MED14: variants seen among roughly 807,000 people sequenced by gnomAD.
MED14 encodes mediator complex subunit 14.
Under a neutral mutation model 109.0 loss-of-function variants are expected in MED14, and 8 were observed. That is an observed-to-expected ratio of 0.07 (90% CI 0.04 to 0.13). The LOEUF is 0.13. Among genes scored for constraint, MED14 ranks in the 10% least tolerant of loss-of-function variants. The pLI, the probability that MED14 is intolerant of heterozygous loss-of-function variation, is 1.00. For missense variants in MED14, 711 were observed against 1,142.4 expected, an observed-to-expected ratio of 0.62 and a Z score of 5.44; for synonymous variants, 399 against 408.7, an observed-to-expected ratio of 0.98 and a Z score of 0.29.
intron 1 of MED14, among the ~76,000 whole-genome samples, chrX:40,730,688 C>A (rs746322258): frequency 2.7e-5 from 3 of 111,276 alleles, no homozygotes; most frequent in East Asian, 2.8e-4. Context: ...ATTTGAAATT[C>A]TTTTATGGAT....
At chrX:40,702,719 C>T (rs775659832) in intron 11 of MED14, among the ~76,000 whole-genome samples, 2 of 111,265 alleles carry the variant, frequency 1.8e-5, no homozygotes, top group East Asian at 2.8e-4. Context: ...TTCATAAATG[C>T]GTCATTTAGC....
At position 40,719,764 on chromosome X, in the gene MED14, G is replaced by A. The variant is rs185771556; in HGVS notation, c.349-5054C>T. Among the ~76,000 whole-genome samples the A allele has an allele frequency of 4.8e-3, 537 of 111,864 alleles. 4 individuals carry two copies. The highest frequency in any genetic ancestry group is 0.017 in the African/African-American group (509 of 30,803). ...TGAATATAACAAAAACCACTGAATT[G>A]TATACTTTAAGTGGGTGAATAGTAT... is the stretch of plus-strand genomic sequence containing the variant. On this transcript the variant is annotated intron_variant, in intron 3 of 30. Coordinates refer to ENST00000324817, the MANE Select transcript of MED14 (RefSeq NM_004229.4).
intron 1 of MED14, among the ~76,000 whole-genome samples, chrX:40,733,107 ATT>A (rs753217918): frequency 2.3e-4 from 23 of 98,585 alleles, no homozygotes; most frequent in Admixed American, 2.2e-4. Context: ...GATTATCAAT[ATT>A]TTTTTTTTTT....
intron 23 of MED14, among the ~76,000 whole-genome samples, chrX:40,671,629 G>T (rs950639851): frequency 3.6e-5 from 4 of 112,041 alleles, no homozygotes; most frequent in African/African-American, 1.3e-4. Context: ...GAGTTGTGCT[G>T]TGAGTCTGGC....
At chrX:40,674,564 C>A (rs1602455347) in intron 22 of MED14, among the ~76,000 whole-genome samples, 1 of 111,965 alleles carries the variant, frequency 8.9e-6, no homozygotes, top group African/African-American at 3.2e-5. Context: ...TGCTCATATA[C>A]AACTAAAAAT....
intron 15 of MED14, among the ~76,000 whole-genome samples, chrX:40,690,232 T>A (rs1485390954): frequency 8.9e-6 from 1 of 112,051 alleles, no homozygotes; most frequent in African/African-American, 3.2e-5. Flanking sequence ...TTCATCAGGC[T>A]CACAGTTCTA....
Position 40,650,944 on chromosome X carries a change from A to AC in MED14, c.*861dup, listed in dbSNP as rs1928845338. On this transcript the variant is annotated 3_prime_UTR_variant, in exon 31 of 31. Coordinates refer to ENST00000324817, the MANE Select transcript of MED14 (RefSeq NM_004229.4). ...AAATTTTCCTGACAGAAAAGTTCCC[A>AC]CATCCTCAACAGATGAGAATGATTG... The AC allele has an allele frequency of 1.3e-6, 1 of 751,340 alleles. No individual in the cohort carries two copies. Among genetic ancestry groups the AC allele is most frequent in the African/African-American group, 2.3e-5 (1 of 43,140 alleles). The allele number at this position is 751,340 out of a possible 1,213,427, so 61.9% of individuals were successfully genotyped here.
chrX:40,706,960 T>C (rs1220737605), intron 10 of MED14, among the ~76,000 whole-genome samples: 1 of 112,037 alleles, frequency 8.9e-6, no homozygotes, highest in Non-Finnish European at 1.9e-5. Context: ...ATACTTAAAG[T>C]CTTCTTTAAG....
rs760375626 is a variant in MED14 at position 40,713,879 on chromosome X, G to C, written c.551C>G (p.Thr184Ser). The change falls in exon 5 of 31, where the codon ACC becomes AGC. Residue 184 changes from threonine (T) to serine (S), a missense_variant. Physicochemically the swap from Thr to Ser is moderately conservative, Grantham distance 58. Coordinates refer to ENST00000324817, the MANE Select transcript of MED14 (RefSeq NM_004229.4). ...GAGTGTGGCTTGTTTTTCAATTTTGGTAATTGGGTCTGGAGGAATAATTTT... is the reference window on the plus strand; with the variant it reads ...GAGTGTGGCTTGTTTTTCAATTTTGCTAATTGGGTCTGGAGGAATAATTTT... ...RDKIIPPDPITKIEKQATLHQ... is the reference protein window; with the variant it reads ...RDKIIPPDPISKIEKQATLHQ... The C allele has an allele frequency of 8.3e-7, 1 of 1,208,204 alleles. No individual in the cohort carries two copies. Among genetic ancestry groups the C allele is most frequent in the African/African-American group, 1.7e-5 (1 of 57,187 alleles).
rs779557912 is a variant in MED14 at position 40,700,390 on chromosome X, AAAT to A, written c.1490+772_1490+774del. Among the ~76,000 whole-genome samples, 893 of 97,948 alleles carry A rather than the reference AAAT, an allele frequency of 9.1e-3. 131 individuals carry two copies. The highest frequency in any genetic ancestry group is 0.035 in the African/African-American group (851 of 24,352). 85.1% of individuals were successfully genotyped at this position (97,948 alleles called of 115,157 possible). The stretch of plus-strand genomic sequence containing the variant: ...AAAAAAAAAAAAAAAAAAAAAAAAA[AAAT>A]TCATGCCCTGCTAATGAAAACATTA... On this transcript the variant is annotated intron_variant, in intron 12 of 30. Coordinates refer to ENST00000324817, the MANE Select transcript of MED14 (RefSeq NM_004229.4).
At position 40,735,453 on chromosome X, in the gene MED14, G is replaced by C; in HGVS notation, c.-41C>G. ...GGCTTGGCGCAACGGCACACGATGCGGTCCTCGAGCCTCCCGGGCGCTCGG... is the reference window on the plus strand; with the variant it reads ...GGCTTGGCGCAACGGCACACGATGCCGTCCTCGAGCCTCCCGGGCGCTCGG... On this transcript the variant is annotated 5_prime_UTR_variant, in exon 1 of 31. Coordinates refer to ENST00000324817, the MANE Select transcript of MED14 (RefSeq NM_004229.4). 9.1e-7 allele frequency: 1 copy of C among 1,099,443 alleles called. No homozygotes were observed. The highest frequency in any genetic ancestry group is 1.2e-6 in the Non-Finnish European group (1 of 822,258). 90.6% of individuals were successfully genotyped at this position (1,099,443 alleles called of 1,213,427 possible).
At chrX:40,669,470 A>G (rs1025001840) in intron 23 of MED14, among the ~76,000 whole-genome samples, 8 of 111,378 alleles carry the variant, frequency 7.2e-5, no homozygotes, top group African/African-American at 2.3e-4. Flanking sequence ...TGGTCCAACC[A>G]TCTCTGATGA....
chrX:40,726,700 T>C (rs1334212197), intron 3 of MED14, 46 bp downstream of exon 3: 15 of 1,041,776 alleles, frequency 1.4e-5, no homozygotes, highest in Non-Finnish European at 1.8e-5. Flanking sequence ...TATCATAACA[T>C]TCGAAAAGTT....
Position 40,735,255 on chromosome X carries a change from G to T in MED14, c.158C>A (p.Thr53Asn), listed in dbSNP as rs930072366. 4 of 1,144,912 alleles carry T rather than the reference G, an allele frequency of 3.5e-6. No homozygotes were observed. In the African/African-American group the frequency reaches 5.6e-5, roughly 16 times the overall value. 94.4% of individuals were successfully genotyped at this position (1,144,912 alleles called of 1,213,427 possible). The change falls in exon 1 of 31, where the codon ACC becomes AAC. Residue 53 changes from threonine (T) to asparagine (N), a missense_variant. Thr to Asn is a moderately conservative substitution (Grantham distance 65, BLOSUM62 0). This residue lies in a region of MED14 where 62 missense variants were observed against 55.2 expected (regional missense o/e 1.12). Transcript: ENST00000324817. ...AAASPGYRLS[T>N]LIEFLLHRAY... ...CCGGTGCAGCAGAAATTCAATGAGGGTGCTCAGCCGGTAGCCCGGGCTAGC... is the reference window on the plus strand; with the variant it reads ...CCGGTGCAGCAGAAATTCAATGAGGTTGCTCAGCCGGTAGCCCGGGCTAGC...
chrX:40,720,969 C>T (rs1237709587), intron 3 of MED14, among the ~76,000 whole-genome samples: 2 of 110,393 alleles, frequency 1.8e-5, no homozygotes, highest in Non-Finnish European at 3.8e-5. Context: ...TAAAAGAGCC[C>T]TTGGGCCCTG....
At chrX:40,683,170 C>T (rs1414074604) in intron 16 of MED14, among the ~76,000 whole-genome samples, 174 bp from the exon 17 acceptor site, 1 of 112,679 alleles carries the variant, frequency 8.9e-6, no homozygotes, top group South Asian at 3.6e-4. Context: ...TTTCCATTCA[C>T]ATCAATATGG....
intron 13 of MED14, among the ~76,000 whole-genome samples, chrX:40,696,348 G>A (rs988460990): frequency 1.8e-5 from 2 of 108,858 alleles, no homozygotes; most frequent in African/African-American, 6.7e-5. Flanking sequence ...CACTGTGTTA[G>A]CCAGGATGGT....
intron 2 of MED14, among the ~76,000 whole-genome samples, chrX:40,728,580 C>T (rs746313602): frequency 9.1e-6 from 1 of 110,441 alleles, no homozygotes; most frequent in East Asian, 2.8e-4. Flanking sequence ...GCCAAAGATA[C>T]GGTCAAGTAC....
intron 1 of MED14, among the ~76,000 whole-genome samples, chrX:40,732,546 A>C (rs1293632699): frequency 1.9e-5 from 2 of 102,752 alleles, no homozygotes; most frequent in Non-Finnish European, 3.9e-5. Context: ...TGGGAGGCAG[A>C]GGTGGGAGGA....
Sources: allele counts gnomAD v4.1 joint callset (sites outside exome capture counted in the v4.1 genomes callset), GRCh38; gene constraint gnomAD v4.1.1; regional missense constraint gnomAD v4.1.1; transcripts MANE v1.5; gene names NCBI Gene and HGNC (gene_info 2026-07-23, HGNC 2026-07-21).